The following DENND1A variants were observed in gnomAD, a reference collection of about 807,000 sequenced individuals.
The protein encoded by DENND1A is DENN domain containing 1A.
DENND1A carries 51 observed loss-of-function variants against 113.7 expected under a neutral mutation model. That is an observed-to-expected ratio of 0.45 (90% CI 0.36 to 0.57). DENND1A has a LOEUF of 0.57. DENND1A is among the 20% of genes least tolerant of loss of function. DENND1A has a pLI of 0.00. For synonymous variants in DENND1A, 565 were observed against 570.8 expected, an observed-to-expected ratio of 0.99 and a Z score of 0.14; for missense variants, 1,258 against 1,395.9, an observed-to-expected ratio of 0.90 and a Z score of 1.57.
intron 12 of DENND1A, among the ~76,000 whole-genome samples, chr9:123,577,119 GC>G (rs999901087): frequency 6.6e-6 from 1 of 151,416 alleles, no homozygotes; most frequent in African/African-American, 2.4e-5. Flanking sequence ...AAGTATGTTA[GC>G]CCTCTTGATA....
chr9:123,903,496 C>G (rs530321655), intron 1 of DENND1A, among the ~76,000 whole-genome samples: 2 of 151,930 alleles, frequency 1.3e-5, no homozygotes, highest in African/African-American at 4.8e-5. Context: ...AGACAGTGGG[C>G]GCAGGTCAGT....
intron 11 of DENND1A, among the ~76,000 whole-genome samples, chr9:123,597,405 G>A (rs1041115770): frequency 6.6e-6 from 1 of 152,122 alleles, no homozygotes; most frequent in Non-Finnish European, 1.5e-5. Context: ...TTAAACATAT[G>A]GGCAGTAAAG....
At chr9:123,809,461 T>C (rs565729570) in intron 2 of DENND1A, among the ~76,000 whole-genome samples, 9 of 152,312 alleles carry the variant, frequency 5.9e-5, no homozygotes, top group African/African-American at 2.2e-4. Context: ...CATTCTATGA[T>C]CTAAAAGCCT....
chr9:123,760,168 T>G (rs1420725022), intron 4 of DENND1A, among the ~76,000 whole-genome samples: 1 of 152,218 alleles, frequency 6.6e-6, no homozygotes, highest in Non-Finnish European at 1.5e-5. Flanking sequence ...ATGCTATCAA[T>G]TATTACTTTA....
intron 4 of DENND1A, 140 bp from the exon 5 acceptor site, chr9:123,757,962 G>T (rs2131415459): frequency 1.3e-4 from 81 of 634,558 alleles, no homozygotes; most frequent in Non-Finnish European, 1.4e-4. Flanking sequence ...CAAGGGAACA[G>T]ACTGTAAGCT....
Position 123,385,187 on chromosome 9 carries a change from G to A in DENND1A, c.1761-1274C>T, listed in dbSNP as rs370324645. On this transcript the variant is annotated intron_variant, in intron 22 of 23. Transcript: ENST00000394215. Reference sequence around the variant, plus strand: ...TTTTTTATATTTTTATTTTTCAGACGGAGTTTCACTCTTGTCTCCCAGGCT... The same window carrying A: ...TTTTTTATATTTTTATTTTTCAGACAGAGTTTCACTCTTGTCTCCCAGGCT... 2.0e-3 allele frequency among the ~76,000 whole-genome samples: 297 copies of A among 152,114 alleles called. 1 individual carries two copies. The highest frequency in any genetic ancestry group is 5.9e-3 in the African/African-American group (246 of 41,520).
intron 19 of DENND1A, chr9:123,437,869 G>A (rs1395251717): frequency 6.6e-6 from 1 of 152,130 alleles, no homozygotes; most frequent in South Asian, 2.1e-4. Flanking sequence ...TATACCATTA[G>A]GGCTACGTGA....
At chr9:123,666,331 G>C (rs1458456917) in intron 8 of DENND1A, among the ~76,000 whole-genome samples, 7 of 152,162 alleles carry the variant, frequency 4.6e-5, no homozygotes, top group Non-Finnish European at 5.9e-5. Context: ...CATGCAGCTA[G>C]ACTAGATATG....
At chr9:123,656,165 A>G (rs2062934732) in intron 8 of DENND1A, among the ~76,000 whole-genome samples, 1 of 151,930 alleles carries the variant, frequency 6.6e-6, no homozygotes, top group Non-Finnish European at 1.5e-5. Flanking sequence ...TCAGTGGACC[A>G]GGGAAGAAGC....
intron 16 of DENND1A, among the ~76,000 whole-genome samples, chr9:123,454,047 GTGCAC>G (rs1464693105): frequency 1.3e-5 from 2 of 152,236 alleles, no homozygotes; most frequent in African/African-American, 2.4e-5. Flanking sequence ...CCTGGCAGCA[GTGCAC>G]TGACGCATTA....
chr9:123,495,217 G>A (rs1046401924), intron 13 of DENND1A, among the ~76,000 whole-genome samples: 3 of 149,472 alleles, frequency 2.0e-5, no homozygotes, highest in Non-Finnish European at 3.0e-5. Context: ...TGGGGACAAG[G>A]GGCCATGCCT....
chr9:123,538,529 A>C (rs2055973843), intron 13 of DENND1A, among the ~76,000 whole-genome samples: 1 of 152,120 alleles, frequency 6.6e-6, no homozygotes, highest in South Asian at 2.1e-4. Context: ...GTAATATCAG[A>C]TAGCAAGAGA....
At chr9:123,916,741 G>C (rs539471713) in intron 1 of DENND1A, among the ~76,000 whole-genome samples, 31 of 152,268 alleles carry the variant, frequency 2.0e-4, no homozygotes, top group African/African-American at 7.2e-4. Flanking sequence ...GTCAGGGAAG[G>C]AACACGGTGG....
intron 11 of DENND1A, among the ~76,000 whole-genome samples, chr9:123,607,855 C>T (rs760763625): frequency 3.3e-5 from 5 of 151,920 alleles, no homozygotes; most frequent in Admixed American, 6.6e-5. Context: ...AAAGCCTGTG[C>T]TGGAGCAGTC....
At chr9:123,386,275 A>C (rs941524542) in intron 22 of DENND1A, among the ~76,000 whole-genome samples, 11 of 152,158 alleles carry the variant, frequency 7.2e-5, no homozygotes, top group African/African-American at 2.7e-4. Flanking sequence ...GAGAAGGCTA[A>C]TTTTAAAATC....
intron 2 of DENND1A, among the ~76,000 whole-genome samples, chr9:123,814,439 T>G (rs1325395123): frequency 1.3e-5 from 2 of 152,172 alleles, no homozygotes; most frequent in African/African-American, 4.8e-5. Context: ...GCATTGTACA[T>G]GTTTTATAGC....
Position 123,387,835 on chromosome 9 carries a change from T to G in DENND1A, c.1655A>C (p.Tyr552Ser). ...PEHLVKPLRH[Y>S]AVFLSEDSSD... ...GGAGTCTTCGGAGAGGAAGACCGCA[T>G]AGTGTCGCAAGGGCTTTACCAGGCT... Residue 552 changes from tyrosine to serine, a missense_variant, in exon 22 of 24, where the codon TAT (tyrosine) becomes TCT (serine). Physicochemically the swap from Tyr to Ser is moderately radical, Grantham distance 144 (BLOSUM62 -2). Transcript: ENST00000394215. 1 of 1,289,796 alleles carries G rather than the reference T, an allele frequency of 7.8e-7. No individual in the cohort carries two copies. The highest frequency in any genetic ancestry group is 1.0e-6 in the Non-Finnish European group (1 of 988,858). The allele number at this position is 1,289,796 out of a possible 1,614,324, so 79.9% of individuals were successfully genotyped here. A position where few individuals can be genotyped will look rare whatever the true frequency, so the allele number is the denominator to read the frequency against.
At chr9:123,578,489 T>C (rs1170774195) in intron 12 of DENND1A, among the ~76,000 whole-genome samples, 1 of 152,228 alleles carries the variant, frequency 6.6e-6, no homozygotes, top group Admixed American at 6.5e-5. Context: ...AAGCAATTCT[T>C]CTGCCTCAGA....
At chr9:123,733,052 G>GTTT in intron 5 of DENND1A, among the ~76,000 whole-genome samples, 1 of 152,156 alleles carries the variant, frequency 6.6e-6, no homozygotes, top group Non-Finnish European at 1.5e-5. Flanking sequence ...CGCGATCTCG[G>GTTT]CTCACCGCAA....
Sources: allele counts gnomAD v4.1 joint callset (sites outside exome capture counted in the v4.1 genomes callset), GRCh38; gene constraint gnomAD v4.1.1; transcripts MANE v1.5; gene names NCBI Gene and HGNC (gene_info 2026-07-23, HGNC 2026-07-21).